Variants in SMARCA2 observed in about 807,000 individuals in gnomAD.
SMARCA2 encodes SWI/SNF-related matrix-associated actin-dependent regulator of chromatin subfamily A member 2.
SMARCA2 carries 61 observed loss-of-function variants against 199.8 expected under a neutral mutation model. The observed-to-expected ratio is 0.31, with a 90% confidence interval of 0.25 to 0.38. The LOEUF (loss-of-function observed/expected upper bound fraction) is 0.38, where lower values mean the gene tolerates loss of function less well. Among genes scored for constraint, SMARCA2 ranks in the 10% least tolerant of loss-of-function variants. SMARCA2 has a pLI of 1.00. For missense variants in SMARCA2, 1,344 were observed against 2,012.2 expected (o/e 0.67, Z 6.35); for synonymous variants, 935 against 732.0 (o/e 1.28, Z -4.48).
intron 32 of SMARCA2, among the ~76,000 whole-genome samples, chr9:2,188,417 T>C (rs1827642573): frequency 6.6e-6 from 1 of 152,174 alleles, no homozygotes; most frequent in South Asian, 2.1e-4. Context: ...CATTTTCTAT[T>C]ATCTATATTC....
At chr9:2,084,882 C>T (rs1365564168) in intron 17 of SMARCA2, among the ~76,000 whole-genome samples, 2 of 152,156 alleles carry the variant, frequency 1.3e-5, no homozygotes, top group Non-Finnish European at 2.9e-5. Flanking sequence ...ATCATCTTGT[C>T]TTCTAATACG....
rs112774333 is a variant in SMARCA2 at position 2,084,209 on chromosome 9, A to G, written c.2526+13A>G. The G allele has an allele frequency of 1.7e-4, 241 of 1,429,020 alleles. 1 individual carries two copies. In the African/African-American group the frequency reaches 3.0e-3, roughly 18 times the overall value. The allele number at this position is 1,429,020 out of a possible 1,614,324, so 88.5% of individuals were successfully genotyped here. On this transcript the variant is annotated intron_variant, in intron 17 of 33. Transcript: ENST00000349721. ...CATTCTTGCAAAGGTATGTTTTTAA[A>G]AAATTATTTTCTCTCTAATTAGGAC...
Position 2,076,237 on chromosome 9 carries a change from A to G in SMARCA2, c.1944A>G (p.Glu648=), listed in dbSNP as rs762958063. The G allele has an allele frequency of 1.9e-6, 3 of 1,591,130 alleles. No individual in the cohort carries two copies. ...SDSDYEEEDE[E]EESSRQETEE... ...CTTTGTTCCTTTTCCAGGATGAGGA[A>G]GAAGAGTCCAGTAGGCAGGAAACCG... is the stretch of plus-strand genomic sequence containing the variant. Residue 648 remains glutamate (E), a synonymous_variant, in exon 13 of 34, where the codon GAA becomes GAG. Transcript: ENST00000349721.
Position 2,058,355 on chromosome 9 carries a change from G to C in SMARCA2, c.1412G>C (p.Gly471Ala). 1 of 1,614,172 alleles carries C rather than the reference G, an allele frequency of 6.2e-7. No individual in the cohort carries two copies. The highest frequency in any genetic ancestry group is 1.3e-5 in the African/African-American group (1 of 75,032). Residue 471 changes from glycine to alanine, a missense_variant, in exon 8 of 34, where the codon GGA becomes GCA. Coordinates refer to ENST00000349721, the MANE Select transcript of SMARCA2 (RefSeq NM_003070.5). ...AAGGAATATCATCGGTCTGTGGCCG[G>C]AAAGATCCAGAAGCTCTCCAAAGCA... ...DFKEYHRSVA[G>A]KIQKLSKAVA...
intron 32 of SMARCA2, among the ~76,000 whole-genome samples, chr9:2,186,633 C>A (rs1045911893): frequency 6.6e-6 from 1 of 152,164 alleles, no homozygotes. Context: ...TCAAGTGATT[C>A]ACCTGCCTCA....
rs544840053 is a variant in SMARCA2 at position 2,139,070 on chromosome 9, A to G, written c.3981+15133A>G. 4.6e-5 allele frequency among the ~76,000 whole-genome samples: 7 copies of G among 152,350 alleles called. No homozygotes were observed. The East Asian group carries it at 1.4e-3, about 29-fold the overall frequency. ...GTTGAGATGAGTCCTGTGTGCTGAC[A>G]GGATGTGATGGACAGGACACCAACA... On this transcript the variant is annotated intron_variant, in intron 27 of 33. Coordinates refer to ENST00000349721, the MANE Select transcript of SMARCA2 (RefSeq NM_003070.5).
Position 2,119,665 on chromosome 9 carries a change from G to C in SMARCA2, c.3762+130G>C, listed in dbSNP as rs1823367737. 4.7e-6 allele frequency: 3 copies of C among 639,694 alleles called. No homozygotes were observed. Among genetic ancestry groups the C allele is most frequent in the African/African-American group, 1.8e-5 (1 of 54,750 alleles). The allele number at this position is 639,694 out of a possible 1,614,324, so 39.6% of individuals were successfully genotyped here. The stretch of plus-strand genomic sequence containing the variant: ...AAGCCTATGCCTTTCCTTCAGTTCA[G>C]AGGCTGCAAACTGGCTGGAGTTAGC... On this transcript the variant is annotated intron_variant, in intron 26 of 33. Transcript: ENST00000349721. This position sits in a 1 kb window ranked among gnomAD's most constrained non-coding sequence, Gnocchi z 4.6.
At chr9:2,120,550 A>G (rs1451031826) in intron 26 of SMARCA2, among the ~76,000 whole-genome samples, 1 of 152,190 alleles carries the variant, frequency 6.6e-6, no homozygotes, top group East Asian at 1.9e-4. Context: ...TGTGGGCCAA[A>G]TATGATCCAC....
intron 15 of SMARCA2, among the ~76,000 whole-genome samples, chr9:2,083,032 T>C (rs1320010410): frequency 1.3e-5 from 2 of 152,194 alleles, no homozygotes; most frequent in Admixed American, 6.5e-5. Context: ...TTTATGAAGA[T>C]TCCTAAAATC....
chr9:2,176,765 CTG>C (rs1190368273), intron 29 of SMARCA2, among the ~76,000 whole-genome samples: 2 of 150,872 alleles, frequency 1.3e-5, no homozygotes, highest in Admixed American at 6.6e-5. Flanking sequence ...TCCATGTTGT[CTG>C]TGCTGGTCTT....
In SMARCA2 at chr9:2,074,534, G is replaced by C. The variant is rs77852082; in HGVS notation, c.1935+911G>C. Among the ~76,000 whole-genome samples, 1,431 of 152,170 alleles carry C rather than the reference G, an allele frequency of 9.4e-3. 18 individuals carry two copies. Among genetic ancestry groups the C allele is most frequent in the African/African-American group, 0.031 (1,294 of 41,516 alleles). ...CACTTAATGCTTTTGTAAAGAGAAA[G>C]AATAATAAAAGTTACATTACAAAAA... On this transcript the variant is annotated intron_variant, in intron 12 of 33. Coordinates refer to ENST00000349721, the MANE Select transcript of SMARCA2 (RefSeq NM_003070.5).
chr9:2,032,171 T>G (rs1819099924), intron 2 of SMARCA2, among the ~76,000 whole-genome samples: 1 of 152,262 alleles, frequency 6.6e-6, no homozygotes, highest in African/African-American at 2.4e-5. Flanking sequence ...AATATTTCTT[T>G]CAGGCTGTTT....
Position 2,123,713 on chromosome 9 carries a change from C to T in SMARCA2, c.3763-6C>T, listed in dbSNP as rs754710614. On this transcript the variant is annotated splice_polypyrimidine_tract_variant and splice_region_variant and intron_variant, in intron 26 of 33. Coordinates refer to ENST00000349721, the MANE Select transcript of SMARCA2 (RefSeq NM_003070.5). This position sits in a 1 kb window ranked among gnomAD's most constrained non-coding sequence, Gnocchi z 4.1. ...CTTTCGGTGACCCTCTTATTAATGT[C>T]TCCAGCGGATGGACATGGACCGGCG... 3.7e-6 allele frequency: 6 copies of T among 1,613,686 alleles called. No individual in the cohort carries two copies. Among genetic ancestry groups the T allele is most frequent in the Non-Finnish European group, 5.1e-6 (6 of 1,179,712 alleles).
chr9:2,076,196 A>G (rs371923611), intron 12 of SMARCA2, 33 bp from the exon 13 acceptor site: 172 of 1,165,750 alleles, frequency 1.5e-4, no homozygotes, highest in Non-Finnish European at 2.2e-4. Context: ...TTGTTAAAAT[A>G]TAATTTCCTC....
intron 27 of SMARCA2, among the ~76,000 whole-genome samples, chr9:2,132,660 A>C (rs1376353852): frequency 6.6e-6 from 1 of 152,208 alleles, no homozygotes; most frequent in Non-Finnish European, 1.5e-5. Context: ...TTTTCTAGCA[A>C]GCTGCATTTC....
chr9:2,145,328 A>G (rs1256237220), intron 27 of SMARCA2, among the ~76,000 whole-genome samples: 16 of 151,390 alleles, frequency 1.1e-4, no homozygotes, highest in Middle Eastern at 6.8e-3. Context: ...AAAAAAAAAA[A>G]AGAGAGAGAA....
rs538433526 is a variant in SMARCA2 at position 2,080,719 on chromosome 9, C to G, written c.2185-1113C>G. Reference sequence around the variant, plus strand: ...TGGAATCTTGCATGGTACAAAGTATCTCAAGTGGCTTATGGAAGTATTGCT... The same window carrying G: ...TGGAATCTTGCATGGTACAAAGTATGTCAAGTGGCTTATGGAAGTATTGCT... On this transcript the variant is annotated intron_variant, in intron 14 of 33. Transcript: ENST00000349721. Among the ~76,000 whole-genome samples the G allele has an allele frequency of 2.7e-4, 41 of 152,306 alleles. No individual in the cohort carries two copies. In the Middle Eastern group the frequency reaches 0.01, roughly 38 times the overall value.
At chr9:2,133,193 A>G (rs966581165) in intron 27 of SMARCA2, among the ~76,000 whole-genome samples, 2 of 152,240 alleles carry the variant, frequency 1.3e-5, no homozygotes, top group African/African-American at 4.8e-5. Flanking sequence ...GGAGCAAACT[A>G]TTACAGAGAA....
intron 29 of SMARCA2, among the ~76,000 whole-genome samples, chr9:2,173,037 C>G (rs552008779): frequency 4.6e-5 from 7 of 152,264 alleles, no homozygotes; most frequent in East Asian, 1.9e-4. Flanking sequence ...GTAGGATTGA[C>G]AAGACTTAGG....
Sources: gnomAD v4.1 joint callset for allele counts (sites outside exome capture counted in the v4.1 genomes callset) on GRCh38, gnomAD v4.1.1 for gene constraint, Gnocchi (gnomAD v3.1) non-coding constraint, MANE v1.5 for transcripts, NCBI Gene and HGNC (gene_info 2026-07-23, HGNC 2026-07-21) for gene names.